Variants in MAPRE2 observed in about 807,000 individuals in gnomAD.
The protein encoded by MAPRE2 is microtubule associated protein RP/EB family member 2, also known as microtubule-associated protein RP/EB family member 2.
In MAPRE2, 13 loss-of-function variants were observed where a neutral mutation model predicts 43.2. The ratio of observed to expected loss-of-function variants is 0.30; its 90% CI spans 0.20 to 0.48. The LOEUF (loss-of-function observed/expected upper bound fraction) is 0.48, where lower values mean the gene tolerates loss of function less well. Among genes scored for constraint, MAPRE2 ranks in the 20% least tolerant of loss-of-function variants. The probability of loss-of-function intolerance (pLI) is 0.99; values close to 1 mark genes in which losing one functional copy is unlikely to be tolerated. For synonymous variants in MAPRE2, 135 were observed against 148.8 expected (o/e 0.91, Z 0.68); for missense variants, 161 against 400.2 (o/e 0.40, Z 5.10).
At chr18:35,125,193 G>A (rs947748509) in intron 4 of MAPRE2, among the ~76,000 whole-genome samples, 2 of 152,050 alleles carry the variant, frequency 1.3e-5, no homozygotes, top group African/African-American at 4.8e-5. Context: ...ACTTGCATCC[G>A]GAGCTAATGA....
intron 2 of MAPRE2, among the ~76,000 whole-genome samples, chr18:35,084,546 G>A (rs1001050106): frequency 2.5e-4 from 38 of 152,098 alleles, no homozygotes; most frequent in Admixed American, 1.3e-3. Flanking sequence ...ATTATTACTA[G>A]CTTATTTCTT....
chr18:34,982,384 A>T (rs2097016878), intron 1 of MAPRE2, among the ~76,000 whole-genome samples: 1 of 152,156 alleles, frequency 6.6e-6, no homozygotes, highest in Admixed American at 6.6e-5. Context: ...TTCTTCACTA[A>T]GGAGTCCTCC....
chr18:35,024,839 C>T (rs758465791), intron 2 of MAPRE2, among the ~76,000 whole-genome samples: 11 of 152,076 alleles, frequency 7.2e-5, no homozygotes, highest in Non-Finnish European at 1.2e-4. Context: ...TTCTTTAATT[C>T]GTTGCTGCTT....
intron 1 of MAPRE2, among the ~76,000 whole-genome samples, chr18:35,060,426 T>G (rs1906465278): frequency 6.6e-6 from 1 of 152,222 alleles, no homozygotes; most frequent in Non-Finnish European, 1.5e-5. Flanking sequence ...TAGAAACAGA[T>G]GGACATTTAG....
At chr18:35,093,928 T>C (rs933786392) in intron 2 of MAPRE2, among the ~76,000 whole-genome samples, 2 of 152,256 alleles carry the variant, frequency 1.3e-5, no homozygotes, top group Non-Finnish European at 2.9e-5. Context: ...CCCAGGAGTG[T>C]ACCCTATTTA....
chr18:35,078,920 T>G (rs531331231), intron 2 of MAPRE2, among the ~76,000 whole-genome samples: 131 of 152,284 alleles, frequency 8.6e-4, no homozygotes, highest in Middle Eastern at 6.8e-3. Context: ...CTCCACCTGC[T>G]GCAAGTAGAG....
chr18:34,987,631 A>G (rs1173611663), intron 1 of MAPRE2, among the ~76,000 whole-genome samples: 3 of 152,042 alleles, frequency 2.0e-5, no homozygotes, highest in African/African-American at 7.3e-5. Flanking sequence ...TTATAATATT[A>G]TGAATCAATG....
At chr18:35,112,492 A>G (rs1909222401) in intron 4 of MAPRE2, among the ~76,000 whole-genome samples, 1 of 151,950 alleles carries the variant, frequency 6.6e-6, no homozygotes, top group Admixed American at 6.6e-5. Context: ...CTTTTACCCA[A>G]CCCCTACCCC....
chr18:35,003,944 A>T (rs894060612), intron 1 of MAPRE2, among the ~76,000 whole-genome samples: 1 of 152,260 alleles, frequency 6.6e-6, no homozygotes, highest in African/African-American at 2.4e-5. Flanking sequence ...TCTGAAGGAA[A>T]AAACTTAGAT....
At chr18:35,025,232 C>T (rs753279931) in intron 2 of MAPRE2, among the ~76,000 whole-genome samples, 4 of 152,172 alleles carry the variant, frequency 2.6e-5, no homozygotes, top group Non-Finnish European at 5.9e-5. Flanking sequence ...GAATGATTTA[C>T]TTTACCCAGA....
At chr18:35,045,443 T>TA (rs141462263) in intron 1 of MAPRE2, among the ~76,000 whole-genome samples, 24,396 of 124,218 alleles carry the variant, frequency 0.2, 2,082 homozygotes, top group East Asian at 0.35. Context: ...TCTGAATACT[T>TA]TAAAAAAAAA....
At position 35,058,373 on chromosome 18, in the gene MAPRE2, C is replaced by T. The variant is rs145955236; in HGVS notation, c.123-11822C>T. Among the ~76,000 whole-genome samples, 669 of 152,182 alleles carry T rather than the reference C, an allele frequency of 4.4e-3. 5 individuals are homozygous for T. The highest frequency in any genetic ancestry group is 0.015 in the African/African-American group (630 of 41,502). ...TAAATACAGACCTTTGGATAGGCAC[C>T]AATCTCTAAGAGTAGAATACTGAGA... On this transcript the variant is annotated intron_variant, in intron 1 of 6. Coordinates refer to ENST00000300249, the MANE Select transcript of MAPRE2 (RefSeq NM_014268.4).
chr18:35,063,680 A>G (rs1906673457), intron 1 of MAPRE2, among the ~76,000 whole-genome samples: 1 of 152,050 alleles, frequency 6.6e-6, no homozygotes, highest in Non-Finnish European at 1.5e-5. Context: ...TGGTAAACTC[A>G]GACTTTAGAT....
chr18:34,985,021 AAT>A (rs1166167685), intron 1 of MAPRE2, among the ~76,000 whole-genome samples: 1 of 70,062 alleles, frequency 1.4e-5, no homozygotes, highest in Admixed American at 2.7e-4. Flanking sequence ...TATGTTATAT[AAT>A]ATATAAAATA....
intron 1 of MAPRE2, among the ~76,000 whole-genome samples, chr18:35,000,082 A>G (rs996355567): frequency 2.0e-5 from 3 of 152,046 alleles, no homozygotes; most frequent in Non-Finnish European, 2.9e-5. Context: ...CTCCCACACT[A>G]AAGAATGTGA....
intron 1 of MAPRE2, among the ~76,000 whole-genome samples, chr18:35,054,530 G>T (rs1366390453): frequency 6.6e-6 from 1 of 152,156 alleles, no homozygotes; most frequent in African/African-American, 2.4e-5. Flanking sequence ...TCTCTGTTCT[G>T]GTTGGGACTG....
At chr18:35,103,292 G>C (rs1179212412) in intron 4 of MAPRE2, among the ~76,000 whole-genome samples, 4 of 152,152 alleles carry the variant, frequency 2.6e-5, no homozygotes, top group Non-Finnish European at 5.9e-5. Context: ...CTCTGGGAGA[G>C]TTGTTAGGAG....
chr18:35,041,295 A>G, upstream of MAPRE2: 2 of 1,396,064 alleles, frequency 1.4e-6, no homozygotes, highest in Admixed American at 3.0e-5. Flanking sequence ...CGAGGTGATG[A>G]GTTAGCGGGT....
At chr18:35,030,677 CACT>C (rs1261810356) in intron 2 of MAPRE2, among the ~76,000 whole-genome samples, 1 of 152,006 alleles carries the variant, frequency 6.6e-6, no homozygotes, top group African/African-American at 2.4e-5. Flanking sequence ...TCTCTGTTGC[CACT>C]ACTAACACTC....
Sources: gnomAD v4.1 joint callset for allele counts (sites outside exome capture counted in the v4.1 genomes callset) on GRCh38, gnomAD v4.1.1 for gene constraint, MANE v1.5 for transcripts, NCBI Gene and HGNC (gene_info 2026-07-23, HGNC 2026-07-21) for gene names.